FBXL7: variants seen among roughly 807,000 people sequenced by gnomAD.
The protein encoded by FBXL7 is F-box/LRR-repeat protein 7.
In FBXL7, 12 loss-of-function variants were observed where a neutral mutation model predicts 38.3. That is an observed-to-expected ratio of 0.31 (90% confidence interval 0.20 to 0.51). The LOEUF (loss-of-function observed/expected upper bound fraction) is 0.51. FBXL7 is among the 20% of genes least tolerant of loss of function. FBXL7 has a pLI of 0.98. For synonymous variants in FBXL7, 297 were observed against 300.9 expected (o/e 0.99, Z 0.13); for missense variants, 567 against 676.4 (o/e 0.84, Z 1.79).
chr5:15,734,940 TA>T (rs1040734307), intron 2 of FBXL7, among the ~76,000 whole-genome samples: 1 of 152,162 alleles, frequency 6.6e-6, no homozygotes, highest in Non-Finnish European at 1.5e-5. Context: ...TTTATTTATT[TA>T]TTTTTTTGAG....
intron 2 of FBXL7, among the ~76,000 whole-genome samples, chr5:15,724,699 T>A (rs1483054956): frequency 6.6e-6 from 1 of 152,226 alleles, no homozygotes; most frequent in Non-Finnish European, 1.5e-5. Context: ...TAAAGTATGC[T>A]AACATTTAAA....
At chr5:15,930,291 T>C (rs1281184084) in intron 3 of FBXL7, among the ~76,000 whole-genome samples, 1 of 152,222 alleles carries the variant, frequency 6.6e-6, no homozygotes, top group Admixed American at 6.5e-5. Flanking sequence ...GTTCACAGCT[T>C]TTTCTAGATG....
intron 1 of FBXL7, among the ~76,000 whole-genome samples, chr5:15,568,802 A>G (rs1196045391): frequency 1.3e-5 from 2 of 152,062 alleles, no homozygotes; most frequent in African/African-American, 4.8e-5. Context: ...TCAGTTTTCT[A>G]CATATGGCTA....
chr5:15,636,963 T>C (rs1374200344), intron 2 of FBXL7, among the ~76,000 whole-genome samples: 1 of 151,754 alleles, frequency 6.6e-6, no homozygotes, highest in East Asian at 1.9e-4. Flanking sequence ...GAAATTTTTT[T>C]GTTGTTTTGT....
At chr5:15,800,502 G>A (rs1737535105) in intron 2 of FBXL7, among the ~76,000 whole-genome samples, 1 of 152,222 alleles carries the variant, frequency 6.6e-6, no homozygotes, top group South Asian at 2.1e-4. Context: ...TCAAAATTGA[G>A]TGGGAGGAAA....
At chr5:15,793,076 A>G (rs187865987) in intron 2 of FBXL7, among the ~76,000 whole-genome samples, 198 of 152,138 alleles carry the variant, frequency 1.3e-3, no homozygotes, top group African/African-American at 4.0e-3. Flanking sequence ...AAGGGAGGGG[A>G]GCTGCAGTGC....
At chr5:15,885,436 C>T (rs1740636210) in intron 2 of FBXL7, among the ~76,000 whole-genome samples, 1 of 152,198 alleles carries the variant, frequency 6.6e-6, no homozygotes, top group Non-Finnish European at 1.5e-5. Flanking sequence ...CCAATCCACA[C>T]ACTCCAGGGG....
chr5:15,637,896 AC>A, intron 2 of FBXL7, among the ~76,000 whole-genome samples: 1 of 152,324 alleles, frequency 6.6e-6, no homozygotes, highest in South Asian at 2.1e-4. Context: ...ACAAGTGTGG[AC>A]CAATCACAAT....
intron 2 of FBXL7, among the ~76,000 whole-genome samples, chr5:15,819,705 T>A (rs1057335649): frequency 1.3e-5 from 2 of 152,078 alleles, no homozygotes; most frequent in Non-Finnish European, 2.9e-5. Flanking sequence ...ATCAACCAGT[T>A]TGCAAATTAA....
chr5:15,711,103 C>T (rs1743853497), intron 2 of FBXL7, among the ~76,000 whole-genome samples: 1 of 152,208 alleles, frequency 6.6e-6, no homozygotes, highest in Admixed American at 6.5e-5. Flanking sequence ...GTGCCTTTCA[C>T]CTTCTGCCAT....
At chr5:15,824,448 T>A (rs1244150718) in intron 2 of FBXL7, among the ~76,000 whole-genome samples, 1 of 152,176 alleles carries the variant, frequency 6.6e-6, no homozygotes, top group Non-Finnish European at 1.5e-5. Context: ...CCAACGTTTT[T>A]GTTTGTTTGC....
chr5:15,766,212 G>T (rs74989631), intron 2 of FBXL7, among the ~76,000 whole-genome samples: 9,546 of 152,184 alleles, frequency 0.063, 306 homozygotes, highest in East Asian at 0.1. Context: ...CGGCCTCCTA[G>T]CCTTCCATGA....
intron 2 of FBXL7, among the ~76,000 whole-genome samples, chr5:15,730,872 C>T (rs923015298): frequency 3.9e-5 from 6 of 152,148 alleles, no homozygotes; most frequent in African/African-American, 9.7e-5. Context: ...ACAAATGTAA[C>T]ACCCCATAAC....
Position 15,874,969 on chromosome 5 carries a change from A to C in FBXL7, c.128-52921A>C, listed in dbSNP as rs183038296. Among the ~76,000 whole-genome samples, 351 of 152,280 alleles carry C rather than the reference A, an allele frequency of 2.3e-3. 2 individuals carry two copies. Among genetic ancestry groups the C allele is most frequent in the African/African-American group, 8.0e-3 (331 of 41,572 alleles). ...CCATATAGCCAAGAAAATCCTAAGC[A>C]AAAAGAACAAAGCTGGAGGCATCAC... On this transcript the variant is annotated intron_variant, in intron 2 of 3. Coordinates refer to ENST00000504595, the MANE Select transcript of FBXL7 (RefSeq NM_012304.5).
At chr5:15,840,279 A>C (rs1386907264) in intron 2 of FBXL7, among the ~76,000 whole-genome samples, 1 of 152,166 alleles carries the variant, frequency 6.6e-6, no homozygotes, top group Non-Finnish European at 1.5e-5. Flanking sequence ...CTATTTTTCT[A>C]TCCCTCTGCC....
intron 2 of FBXL7, among the ~76,000 whole-genome samples, chr5:15,793,320 G>T (rs543249023): frequency 1.3e-5 from 2 of 152,176 alleles, no homozygotes; most frequent in Non-Finnish European, 2.9e-5. Context: ...GAAGGGTCTG[G>T]GGAGACTCCC....
Position 15,528,099 on chromosome 5 carries a change from C to G in FBXL7, c.37+27386C>G, listed in dbSNP as rs529217475. On this transcript the variant is annotated intron_variant, in intron 1 of 3. Coordinates refer to ENST00000504595, the MANE Select transcript of FBXL7 (RefSeq NM_012304.5). ...GTTCCTTCTTCGAGTAAATGTTTCC[C>G]TTTCCTCTTCTTTGTTCCTGTATCC... Among the ~76,000 whole-genome samples, 85 of 152,160 alleles carry G rather than the reference C, an allele frequency of 5.6e-4. 1 individual carries two copies. In the South Asian group the frequency reaches 0.018, roughly 32 times the overall value.
chr5:15,606,898 G>C (rs1001510407), intron 1 of FBXL7: 2 of 152,116 alleles, frequency 1.3e-5, no homozygotes, highest in African/African-American at 4.8e-5. Context: ...CCTTTGGCTT[G>C]AAAGAGCTAA....
intron 2 of FBXL7, among the ~76,000 whole-genome samples, chr5:15,856,489 A>G (rs371932387): frequency 2.6e-5 from 4 of 152,142 alleles, no homozygotes; most frequent in East Asian, 1.9e-4. Flanking sequence ...CTGCACAACA[A>G]ACACCCACAA....
Sources: gnomAD v4.1 joint callset for allele counts (sites outside exome capture counted in the v4.1 genomes callset) on GRCh38, gnomAD v4.1.1 for gene constraint, MANE v1.5 for transcripts, NCBI Gene and HGNC (gene_info 2026-07-23, HGNC 2026-07-21) for gene names.